The following MS4A2 variants were observed in gnomAD, a reference collection of about 807,000 sequenced individuals.
MS4A2 encodes membrane spanning 4-domains A2, also known as high affinity immunoglobulin epsilon receptor subunit beta.
Under a neutral mutation model 27.9 loss-of-function variants are expected in MS4A2, and 26 were observed. The observed-to-expected ratio is 0.93, with a 90% confidence interval of 0.68 to 1.29. MS4A2 has a LOEUF of 1.29. MS4A2 is among the 50% of genes most tolerant of loss of function. The probability of loss-of-function intolerance (pLI) is 0.00; values close to 1 mark genes in which losing one functional copy is unlikely to be tolerated. For synonymous variants in MS4A2, 110 were observed against 98.8 expected (o/e 1.11, Z -0.67); for missense variants, 284 against 284.6 (o/e 1.00, Z 0.01).
chr11:60,095,715 G>C lies in MS4A2; in HGVS notation c.*59G>C. On this transcript the variant is annotated 3_prime_UTR_variant, in exon 7 of 7. Transcript: ENST00000278888. ...CAAGGATCCAGAAGGCCAAGGTCTTGTTAAGGGGCTACTGGAAAAATTTCT... is the reference window on the plus strand; with the variant it reads ...CAAGGATCCAGAAGGCCAAGGTCTTCTTAAGGGGCTACTGGAAAAATTTCT... 8.7e-7 allele frequency: 1 copy of C among 1,151,474 alleles called. No individual in the cohort carries two copies. The highest frequency in any genetic ancestry group is 1.3e-6 in the Non-Finnish European group (1 of 759,688). 71.3% of individuals were successfully genotyped at this position (1,151,474 alleles called of 1,614,324 possible). A position where few individuals can be genotyped will look rare whatever the true frequency, so the allele number is the denominator to read the frequency against.
At position 60,088,697 on chromosome 11, in the gene MS4A2, T is replaced by A; in HGVS notation, c.-69T>A. Reference sequence around the variant, plus strand: ...TCAACTGCCTATTCAGAGCATGCAGTAAGAGGAAATCCACCAAGTCTCAAT... The same window carrying A: ...TCAACTGCCTATTCAGAGCATGCAGAAAGAGGAAATCCACCAAGTCTCAAT... On this transcript the variant is annotated 5_prime_UTR_variant, in exon 1 of 7. It removes the in-frame stop codon of an upstream open reading frame in the 5' UTR. Transcript: ENST00000278888. 1 of 1,567,570 alleles carries A rather than the reference T, an allele frequency of 6.4e-7. No homozygotes were observed. The highest frequency in any genetic ancestry group is 1.2e-5 in the South Asian group (1 of 86,052).
chr11:60,088,691 A>T lies in MS4A2; in HGVS notation c.-75A>T. The T allele has an allele frequency of 1.3e-6, 2 of 1,563,818 alleles. 1 individual carries two copies. Among genetic ancestry groups the T allele is most frequent in the Admixed American group, 3.7e-5 (2 of 54,246 alleles). On this transcript the variant is annotated 5_prime_UTR_variant, in exon 1 of 7. An upstream start codon of the reference 5' UTR is lost. Coordinates refer to ENST00000278888, the MANE Select transcript of MS4A2 (RefSeq NM_000139.5). ...CCCATTTCAACTGCCTATTCAGAGCATGCAGTAAGAGGAAATCCACCAAGT... is the reference window on the plus strand; with the variant it reads ...CCCATTTCAACTGCCTATTCAGAGCTTGCAGTAAGAGGAAATCCACCAAGT...
At chr11:60,089,668 C>G (rs1855719713) in intron 1 of MS4A2, 24 bp from the exon 2 acceptor site, 1 of 1,614,020 alleles carries the variant, frequency 6.2e-7, no homozygotes, top group Non-Finnish European at 8.5e-7. Flanking sequence ...GTTCTCATGA[C>G]TGAATTGCTT....
rs767249903 is a variant in MS4A2, at chr11:60,092,871, T to C, written c.378+23T>C. On this transcript the variant is annotated intron_variant, in intron 4 of 6. Coordinates refer to ENST00000278888, the MANE Select transcript of MS4A2 (RefSeq NM_000139.5). The stretch of plus-strand genomic sequence containing the variant: ...CTGGTGAGTTGCCCGTTTCTGTCTT[T>C]GTCCATCCTTGAAAAGATAAGAAGA... 5.0e-6 allele frequency: 8 copies of C among 1,607,370 alleles called. No individual in the cohort carries two copies. The East Asian group carries it at 1.8e-4, about 36-fold the overall frequency.
At position 60,092,816 on chromosome 11, in the gene MS4A2, A is replaced by ATTATATCT. The variant is rs1855790292; in HGVS notation, c.347_354dup (p.Glu119LeufsTer12). The ATTATATCT allele has an allele frequency of 6.2e-7, 1 of 1,613,996 alleles. No homozygotes were observed. The highest frequency in any genetic ancestry group is 1.3e-5 in the African/African-American group (1 of 75,032). On this transcript the variant is annotated frameshift_variant, in exon 4 of 7. Transcript: ENST00000278888. LOFTEE classifies it high-confidence loss of function. ...GTTTTCTATTTCTGGAATGTTGTCA[A>ATTATATCT]TTATATCTGAAAGGAGAAATGCAAC...
intron 6 of MS4A2, among the ~76,000 whole-genome samples, chr11:60,094,300 A>G (rs1855827924): frequency 6.6e-6 from 1 of 152,250 alleles, no homozygotes; most frequent in Non-Finnish European, 1.5e-5. Flanking sequence ...GTATAATGTT[A>G]GAAAATGCCT....
At chr11:60,093,624 T>C (rs768381699) in intron 5 of MS4A2, 66 bp downstream of exon 5, 1 of 1,583,212 alleles carries the variant, frequency 6.3e-7, no homozygotes, top group Non-Finnish European at 8.7e-7. Flanking sequence ...GAAGCCCTCT[T>C]CTCCTGTTCC....
chr11:60,095,453 G>A (rs984296369), intron 6 of MS4A2, 105 bp from the exon 7 acceptor site: 35 of 757,926 alleles, frequency 4.6e-5, no homozygotes, highest in African/African-American at 5.2e-5. Flanking sequence ...GACAGAGAGC[G>A]TGAGACCCAG....
At position 60,098,330 on chromosome 11, in the gene MS4A2, C is replaced by T. The variant is rs760637855; in HGVS notation, c.*2674C>T. ...GACCACTGAATGAACACCTTTTCATCCAGCCTTAATTTCTTGCTCCATAAC... is the reference window on the plus strand; with the variant it reads ...GACCACTGAATGAACACCTTTTCATTCAGCCTTAATTTCTTGCTCCATAAC... On this transcript the variant is annotated 3_prime_UTR_variant, in exon 7 of 7. Transcript: ENST00000278888. 6.6e-6 allele frequency: 1 copy of T among 152,168 alleles called. No homozygotes were observed. The highest frequency in any genetic ancestry group is 1.5e-5 in the Non-Finnish European group (1 of 68,038). The allele number at this position is 152,168 out of a possible 1,614,324, so 9.4% of individuals were successfully genotyped here.
intron 2 of MS4A2, 68 bp from the exon 3 acceptor site, chr11:60,090,268 T>G: frequency 2.0e-6 from 3 of 1,505,832 alleles, no homozygotes; most frequent in Middle Eastern, 1.9e-4. Flanking sequence ...TGGCTTCTAT[T>G]ATTAAAAAAT....
rs1855821836 is a variant in MS4A2 at position 60,094,026 on chromosome 11, A to C, written c.600A>C (p.Thr200=). 1.2e-6 allele frequency: 2 copies of C among 1,613,950 alleles called. No individual in the cohort carries two copies. The highest frequency in any genetic ancestry group is 1.7e-6 in the Non-Finnish European group (2 of 1,179,938). ...ILGLGSAVSL[T]ICGAGEELKG... is the part of the protein sequence containing the mutation. ...GACTTGGTAGTGCTGTGTCACTCAC[A>C]ATCTGTGGAGCTGGGGAAGAACTCA... The change falls in exon 6 of 7, where the codon ACA becomes ACC. Residue 200 remains threonine, a synonymous_variant. Coordinates refer to ENST00000278888, the MANE Select transcript of MS4A2 (RefSeq NM_000139.5).
chr11:60,089,612 C>A, intron 1 of MS4A2, 80 bp from the exon 2 acceptor site: 1 of 1,576,886 alleles, frequency 6.3e-7, no homozygotes, highest in Non-Finnish European at 8.7e-7. Flanking sequence ...ATAAACAAAA[C>A]TCCCCTTTCT....
In MS4A2 at chr11:60,095,983, T is replaced by G. The variant is rs1025690779; in HGVS notation, c.*327T>G. ...GAAAAAAAGAAGGCTGGCTGAAAGT[T>G]GAGTTAAACTTTGACAGTTTGATAA... On this transcript the variant is annotated 3_prime_UTR_variant, in exon 7 of 7. Coordinates refer to ENST00000278888, the MANE Select transcript of MS4A2 (RefSeq NM_000139.5). 1 of 292,880 alleles carries G rather than the reference T, an allele frequency of 3.4e-6. No individual in the cohort carries two copies. The highest frequency in any genetic ancestry group is 6.4e-6 in the Non-Finnish European group (1 of 155,624). 18.1% of individuals were successfully genotyped at this position (292,880 alleles called of 1,614,324 possible).
intron 3 of MS4A2, among the ~76,000 whole-genome samples, chr11:60,092,489 T>G (rs1855781309): frequency 6.6e-6 from 1 of 151,910 alleles, no homozygotes; most frequent in African/African-American, 2.4e-5. Flanking sequence ...AGAGACAGGG[T>G]TTCACCATTT....
In MS4A2 at chr11:60,097,862, T is replaced by C. The variant is rs1470497157; in HGVS notation, c.*2206T>C. On this transcript the variant is annotated 3_prime_UTR_variant, in exon 7 of 7. Coordinates refer to ENST00000278888, the MANE Select transcript of MS4A2 (RefSeq NM_000139.5). ...ATTCTCATTTTTCTAAAATACAATT[T>C]TGTTTCTCCAAATTTGACAGCAGAA... 1 of 152,184 alleles carries C rather than the reference T, an allele frequency of 6.6e-6. No homozygotes were observed. The highest frequency in any genetic ancestry group is 2.4e-5 in the African/African-American group (1 of 41,432). 9.4% of individuals were successfully genotyped at this position (152,184 alleles called of 1,614,324 possible).
intron 3 of MS4A2, among the ~76,000 whole-genome samples, chr11:60,091,044 A>T (rs1855750326): frequency 1.3e-5 from 2 of 152,184 alleles, no homozygotes; most frequent in South Asian, 4.1e-4. Context: ...CCAGCTACTT[A>T]AGAGGCTGAG....
At chr11:60,094,179 G>A in intron 6 of MS4A2, 117 bp downstream of exon 6, 1 of 743,582 alleles carries the variant, frequency 1.3e-6, no homozygotes, top group East Asian at 2.7e-5. Flanking sequence ...GTTTCTCCAA[G>A]TTTTATTACT....
chr11:60,094,260 C>T (rs973704136), intron 6 of MS4A2, among the ~76,000 whole-genome samples, 198 bp downstream of exon 6: 4 of 152,130 alleles, frequency 2.6e-5, no homozygotes, highest in African/African-American at 7.2e-5. Flanking sequence ...TAATATATCC[C>T]TCTGAATGAG....
chr11:60,089,818 G>C lies in MS4A2; in HGVS notation c.183G>C (p.Leu61=). ...LTVLKKEQEF[L]GVTQILTAMI... is the part of the protein sequence containing the mutation. ...TTTTGAAAAAAGAGCAGGAGTTCCT[G>C]GGGGTGAGTGAGCCTCCTCCAACTT... Residue 61 remains leucine (L), a synonymous_variant, in exon 2 of 7, where the codon CTG becomes CTC. Transcript: ENST00000278888. The C allele has an allele frequency of 6.2e-7, 1 of 1,613,994 alleles. No homozygotes were observed. Among genetic ancestry groups the C allele is most frequent in the Non-Finnish European group, 8.5e-7 (1 of 1,179,986 alleles).
Sources: gnomAD v4.1 joint callset for allele counts (sites outside exome capture counted in the v4.1 genomes callset) on GRCh38, gnomAD v4.1.1 for gene constraint, MANE v1.5 for transcripts, NCBI Gene and HGNC (gene_info 2026-07-23, HGNC 2026-07-21) for gene names.